The following PAMR1 variants were observed in gnomAD, a reference collection of about 807,000 sequenced individuals.
PAMR1 encodes the protein peptidase domain containing associated with muscle regeneration 1.
In PAMR1, 88 loss-of-function variants were observed where a neutral mutation model predicts 81.8. That is an observed-to-expected ratio of 1.08 (90% CI 0.91 to 1.28). The LOEUF (loss-of-function observed/expected upper bound fraction) is 1.28, where lower values mean the gene tolerates loss of function less well. PAMR1 is among the 50% of genes most tolerant of loss of function. PAMR1 has a pLI of 0.00. For missense variants in PAMR1, 935 were observed against 919.7 expected (o/e 1.02, Z -0.21); for synonymous variants, 336 against 345.3 (o/e 0.97, Z 0.30).
At chr11:35,469,278 A>G (rs1856808407) in intron 5 of PAMR1, among the ~76,000 whole-genome samples, 1 of 152,212 alleles carries the variant, frequency 6.6e-6, no homozygotes. Flanking sequence ...ATTTGACGGC[A>G]TTGATAAAAC....
chr11:35,494,108 G>A lies in PAMR1; in HGVS notation c.238C>T (p.Leu80=). Residue 80 remains leucine (L), a synonymous_variant, in exon 2 of 11, where the codon CTG becomes TTG. Transcript: ENST00000619888. ...ATTCCACACTCACCTGGGTGGATCA[G>A]GCAGGAGTCACACTCATTCTCCTCA... ...RNEENECDSC[L]IHPGCTIFEN... 3.1e-6 allele frequency: 5 copies of A among 1,613,918 alleles called. No individual in the cohort carries two copies. Among genetic ancestry groups the A allele is most frequent in the Non-Finnish European group, 4.2e-6 (5 of 1,179,790 alleles).
intron 6 of PAMR1, among the ~76,000 whole-genome samples, chr11:35,457,430 G>A (rs192630235): frequency 1.3e-5 from 2 of 152,242 alleles, no homozygotes; most frequent in Non-Finnish European, 2.9e-5. Flanking sequence ...TCTCCAGCTT[G>A]TAGACAGCAT....
chr11:35,445,520 C>T (rs1565328376), intron 6 of PAMR1, among the ~76,000 whole-genome samples: 1 of 152,052 alleles, frequency 6.6e-6, no homozygotes, highest in Non-Finnish European at 1.5e-5. Flanking sequence ...CCTGCTTTAC[C>T]TAGTTTATTG....
chr11:35,432,057 T>C lies in PAMR1; in HGVS notation c.*299A>G, dbSNP rs1855916808. On this transcript the variant is annotated 3_prime_UTR_variant, in exon 11 of 11. Coordinates refer to ENST00000619888, the MANE Select transcript of PAMR1 (RefSeq NM_001001991.3). Reference sequence around the variant, plus strand: ...CTGATGGCATTCGTATAACTGAAAGTTGGGGAAGACCACCAGGTCAGTGGA... The same window carrying C: ...CTGATGGCATTCGTATAACTGAAAGCTGGGGAAGACCACCAGGTCAGTGGA... The C allele has an allele frequency of 3.0e-6, 1 of 334,270 alleles. No homozygotes were observed. Among genetic ancestry groups the C allele is most frequent in the Non-Finnish European group, 5.5e-6 (1 of 181,402 alleles). The allele number at this position is 334,270 out of a possible 1,614,324, so 20.7% of individuals were successfully genotyped here.
At chr11:35,475,768 T>A (rs1200674256) in intron 3 of PAMR1, among the ~76,000 whole-genome samples, 1 of 152,234 alleles carries the variant, frequency 6.6e-6, no homozygotes, top group African/African-American at 2.4e-5. Flanking sequence ...CATTCATTTA[T>A]GTATTGCCTA....
chr11:35,480,381 T>C (rs1395286760), intron 3 of PAMR1, among the ~76,000 whole-genome samples: 7 of 152,224 alleles, frequency 4.6e-5, no homozygotes, highest in Non-Finnish European at 8.8e-5. Context: ...GCCCTGCTAA[T>C]ACAACTCAAT....
At chr11:35,433,439 G>A (rs1258672302) in intron 10 of PAMR1, among the ~76,000 whole-genome samples, 2 of 152,192 alleles carry the variant, frequency 1.3e-5, no homozygotes, top group African/African-American at 2.4e-5. Context: ...AGTCTTCCCT[G>A]ATTTTCCCAG....
intron 4 of PAMR1, among the ~76,000 whole-genome samples, chr11:35,471,616 C>T (rs1047584351): frequency 3.3e-5 from 5 of 152,094 alleles, no homozygotes; most frequent in Non-Finnish European, 5.9e-5. Flanking sequence ...GAGAAAGTAG[C>T]ACCAAGTCAG....
At chr11:35,434,432 C>A in intron 10 of PAMR1, 80 bp downstream of exon 10, 1 of 1,398,648 alleles carries the variant, frequency 7.1e-7, no homozygotes. Context: ...GGGGACAGAG[C>A]TTGGTATAAT....
intron 3 of PAMR1, among the ~76,000 whole-genome samples, chr11:35,484,985 G>A (rs117711020): frequency 3.9e-5 from 6 of 152,250 alleles, no homozygotes; most frequent in African/African-American, 9.6e-5. Flanking sequence ...CCTTGGTTTC[G>A]ACTTTGGATA....
At chr11:35,528,727 C>A (rs775690577), upstream of PAMR1, among the ~76,000 whole-genome samples, 13 of 152,192 alleles carry the variant, frequency 8.5e-5, no homozygotes, top group African/African-American at 2.9e-4. Context: ...TAAGGAAGTC[C>A]CTGGTACCAG....
intron 6 of PAMR1, among the ~76,000 whole-genome samples, chr11:35,446,138 C>A (rs1590323273): frequency 6.6e-6 from 1 of 152,172 alleles, no homozygotes; most frequent in Admixed American, 6.5e-5. Flanking sequence ...TTATAGCATT[C>A]TCTGATAATT....
chr11:35,433,923 G>T (rs960958481), intron 10 of PAMR1, among the ~76,000 whole-genome samples: 1 of 152,116 alleles, frequency 6.6e-6, no homozygotes, highest in African/African-American at 2.4e-5. Context: ...AGACAGGGAG[G>T]GAGTCAGGGA....
chr11:35,496,920 C>T (rs575124525), intron 1 of PAMR1, among the ~76,000 whole-genome samples: 1 of 152,170 alleles, frequency 6.6e-6, no homozygotes, highest in African/African-American at 2.4e-5. Flanking sequence ...AATCCCAACA[C>T]TTTGGGAGGC....
chr11:35,516,533 G>A (rs1289997857), intron 1 of PAMR1, among the ~76,000 whole-genome samples: 2 of 152,154 alleles, frequency 1.3e-5, no homozygotes, highest in East Asian at 1.9e-4. Flanking sequence ...AAACAAGTCC[G>A]GGCAGAGAGA....
chr11:35,447,109 AT>A (rs1342834648), intron 6 of PAMR1, among the ~76,000 whole-genome samples: 1 of 150,698 alleles, frequency 6.6e-6, no homozygotes, highest in African/African-American at 2.4e-5. Flanking sequence ...CTTTTTTGAT[AT>A]TGTTGGTTTA....
At chr11:35,520,585 T>C (rs1371541422) in intron 1 of PAMR1, among the ~76,000 whole-genome samples, 2 of 152,288 alleles carry the variant, frequency 1.3e-5, no homozygotes. Flanking sequence ...ATTTAGGAAC[T>C]GGAAAATGTA....
intron 6 of PAMR1, among the ~76,000 whole-genome samples, chr11:35,446,284 C>T (rs572155669): frequency 6.6e-6 from 1 of 152,032 alleles, no homozygotes; most frequent in Non-Finnish European, 1.5e-5. Flanking sequence ...ATTCAAAAAA[C>T]CAGCTCCTGG....
At chr11:35,459,094 G>A (rs923608815) in intron 6 of PAMR1, among the ~76,000 whole-genome samples, 1 of 152,126 alleles carries the variant, frequency 6.6e-6, no homozygotes, top group Non-Finnish European at 1.5e-5. Context: ...AATTATGCTT[G>A]GATTGCACAC....
Sources: gnomAD v4.1 joint callset for allele counts (sites outside exome capture counted in the v4.1 genomes callset) on GRCh38, gnomAD v4.1.1 for gene constraint, MANE v1.5 for transcripts, NCBI Gene and HGNC (gene_info 2026-07-23, HGNC 2026-07-21) for gene names.